Variants in TRPM3 observed in about 807,000 individuals in gnomAD.
The protein encoded by TRPM3 is transient receptor potential cation channel subfamily M member 3, also known as long transient receptor potential channel 3.
TRPM3 carries 77 observed loss-of-function variants against 181.2 expected under a neutral mutation model. The ratio of observed to expected loss-of-function variants is 0.42; its 90% CI spans 0.35 to 0.51. TRPM3 has a LOEUF of 0.51. Among genes scored for constraint, TRPM3 ranks in the 20% least tolerant of loss-of-function variants. The probability of loss-of-function intolerance (pLI) is 0.01; values close to 1 mark genes in which losing one functional copy is unlikely to be tolerated. For missense variants in TRPM3, 1,759 were observed against 2,196.7 expected (o/e 0.80, Z 3.98); for synonymous variants, 745 against 796.4 (o/e 0.94, Z 1.09).
intron 22 of TRPM3, among the ~76,000 whole-genome samples, chr9:70,562,963 G>A (rs556308863): frequency 6.6e-6 from 1 of 152,300 alleles, no homozygotes; most frequent in East Asian, 1.9e-4. Flanking sequence ...GTCATGTGAT[G>A]TTAGAGTTTC....
chr9:71,275,601 G>A (rs554720954), intron 1 of TRPM3, among the ~76,000 whole-genome samples: 1 of 152,112 alleles, frequency 6.6e-6, no homozygotes, highest in South Asian at 2.1e-4. Flanking sequence ...AGTTCCAATA[G>A]TTATACATAC....
At chr9:71,240,728 G>A (rs752673438) in intron 1 of TRPM3, among the ~76,000 whole-genome samples, 3 of 152,074 alleles carry the variant, frequency 2.0e-5, no homozygotes, top group Admixed American at 6.6e-5. Context: ...TTAGATTCAC[G>A]GAGAGAGGTT....
At chr9:71,439,581 C>T (rs1177845559) in intron 1 of TRPM3, among the ~76,000 whole-genome samples, 1 of 152,158 alleles carries the variant, frequency 6.6e-6, no homozygotes, top group African/African-American at 2.4e-5. Context: ...AAGGCCAGCA[C>T]TACTCCCCTG....
intron 1 of TRPM3, among the ~76,000 whole-genome samples, chr9:71,268,920 G>A (rs890459928): frequency 6.6e-6 from 1 of 152,170 alleles, no homozygotes; most frequent in Admixed American, 6.5e-5. Flanking sequence ...ACAAAGAAAT[G>A]TAAGTTCATG....
chr9:71,248,483 G>C (rs2082163274), intron 1 of TRPM3, among the ~76,000 whole-genome samples: 1 of 152,152 alleles, frequency 6.6e-6, no homozygotes, highest in Admixed American at 6.5e-5. Context: ...AGACAGAAAG[G>C]ATATCTTTTA....
chr9:71,128,999 C>T (rs932684817), intron 1 of TRPM3, among the ~76,000 whole-genome samples: 4 of 152,194 alleles, frequency 2.6e-5, no homozygotes, highest in Non-Finnish European at 2.9e-5. Context: ...CCATAAGGTC[C>T]GCTCACCTGG....
At chr9:70,658,190 C>T (rs1034927972) in intron 9 of TRPM3, among the ~76,000 whole-genome samples, 4 of 152,110 alleles carry the variant, frequency 2.6e-5, no homozygotes, top group African/African-American at 9.7e-5. Context: ...AATTAAGTCT[C>T]CTGTCCCAAA....
chr9:71,352,453 T>A (rs2091695492), intron 1 of TRPM3, among the ~76,000 whole-genome samples: 1 of 152,194 alleles, frequency 6.6e-6, no homozygotes, highest in Non-Finnish European at 1.5e-5. Context: ...ATTCTCTGTT[T>A]ATGTTCTTTT....
chr9:70,874,849 A>G, intron 1 of TRPM3, among the ~76,000 whole-genome samples: 1 of 152,040 alleles, frequency 6.6e-6, no homozygotes, highest in African/African-American at 2.4e-5. Flanking sequence ...AGGATTAACT[A>G]CTAAAAAAAA....
chr9:70,549,652 C>G lies in TRPM3; in HGVS notation c.3597G>C (p.Glu1199Asp). ...YGLKLFITDDELKKVHDFEEQ... is the reference protein window; with the variant it reads ...YGLKLFITDDDLKKVHDFEEQ... Reference sequence around the variant, plus strand: ...CTTCAAAGTCATGTACTTTCTTGAGCTCATCATCGGTTATGAAGAGTTCTG... The same window carrying G: ...CTTCAAAGTCATGTACTTTCTTGAGGTCATCATCGGTTATGAAGAGTTCTG... The change falls in exon 25 of 26, where the codon GAG (glutamate) becomes GAC (aspartate). Residue 1199 changes from glutamate (E) to aspartate (D), a missense_variant. Coordinates refer to ENST00000677713, the MANE Select transcript of TRPM3 (RefSeq NM_001366145.2). 2.5e-6 allele frequency: 4 copies of G among 1,609,276 alleles called. No individual in the cohort carries two copies. The highest frequency in any genetic ancestry group is 3.4e-6 in the Non-Finnish European group (4 of 1,179,368).
intron 1 of TRPM3, among the ~76,000 whole-genome samples, chr9:71,376,948 CT>C (rs889333023): frequency 6.6e-6 from 1 of 151,996 alleles, no homozygotes; most frequent in African/African-American, 2.4e-5. Context: ...GAAGAATAGA[CT>C]TTGAAATTCA....
rs1002978940 is a variant in TRPM3 at position 71,350,305 on chromosome 9, G to T, written c.183+96348C>A. Among the ~76,000 whole-genome samples, 13 of 152,196 alleles carry T rather than the reference G, an allele frequency of 8.5e-5. No homozygotes were observed. The East Asian group carries it at 2.5e-3, about 29-fold the overall frequency. On this transcript the variant is annotated intron_variant, in intron 1 of 24. Coordinates refer to the TRPM3 transcript ENST00000357533. Reference sequence around the variant, plus strand: ...CAACAGAACTGTAGGTCATTACATAGAAACTAGTTTTCATAAAAATTCTTC... The same window carrying T: ...CAACAGAACTGTAGGTCATTACATATAAACTAGTTTTCATAAAAATTCTTC...
intron 22 of TRPM3, among the ~76,000 whole-genome samples, chr9:70,588,790 C>A (rs945795318): frequency 2.0e-5 from 3 of 152,216 alleles, no homozygotes; most frequent in Admixed American, 6.5e-5. Flanking sequence ...GGCAGTCACC[C>A]AATCCCCACT....
At chr9:71,124,963 AG>A (rs1215774052), upstream of TRPM3, among the ~76,000 whole-genome samples, 1 of 152,226 alleles carries the variant, frequency 6.6e-6, no homozygotes, top group Non-Finnish European at 1.5e-5. Context: ...TAAAATTCAT[AG>A]GTATCTGGAC....
At chr9:71,437,569 C>A (rs1173473786) in intron 1 of TRPM3, among the ~76,000 whole-genome samples, 1 of 151,958 alleles carries the variant, frequency 6.6e-6, no homozygotes, top group East Asian at 1.9e-4. Context: ...GACCTTATAG[C>A]CTGCAAAACC....
upstream of TRPM3, chr9:71,446,934 T>C (rs1036008463): frequency 1.6e-6 from 2 of 1,255,278 alleles, no homozygotes; most frequent in South Asian, 1.7e-5. Flanking sequence ...CGGCTCTCGG[T>C]TGGCGCTGCC....
At chr9:71,326,557 T>A (rs2089698418) in intron 1 of TRPM3, among the ~76,000 whole-genome samples, 1 of 152,232 alleles carries the variant, frequency 6.6e-6, no homozygotes, top group African/African-American at 2.4e-5. Context: ...CATGAACTCA[T>A]AAAATGCAAC....
At chr9:70,761,492 A>C in intron 8 of TRPM3, 109 bp downstream of exon 8, 1 of 1,512,128 alleles carries the variant, frequency 6.6e-7, no homozygotes. Flanking sequence ...GGAGAGCTGT[A>C]AGCTCGGCCA....
At chr9:71,399,511 C>T (rs976531488) in intron 1 of TRPM3, among the ~76,000 whole-genome samples, 3 of 146,194 alleles carry the variant, frequency 2.1e-5, no homozygotes, top group African/African-American at 7.6e-5. Flanking sequence ...CATTTTACTC[C>T]TTATATTTTC....
Sources: gnomAD v4.1 joint callset for allele counts (sites outside exome capture counted in the v4.1 genomes callset) on GRCh38, gnomAD v4.1.1 for gene constraint, MANE v1.5 for transcripts, NCBI Gene and HGNC (gene_info 2026-07-23, HGNC 2026-07-21) for gene names.